Variants in DDX46 observed in about 807,000 individuals in gnomAD.
DDX46 encodes DEAD-box helicase 46.
Under a neutral mutation model 134.9 loss-of-function variants are expected in DDX46, and 30 were observed. The observed-to-expected ratio is 0.22, with a 90% confidence interval of 0.17 to 0.30. DDX46 has a LOEUF of 0.30. Ranked by LOEUF, DDX46 falls within the 10% of genes least tolerant of loss-of-function variation. The pLI, the probability that DDX46 is intolerant of heterozygous loss-of-function variation, is 1.00. For missense variants in DDX46, 622 were observed against 1,248.7 expected (o/e 0.50, Z 7.56); for synonymous variants, 415 against 404.1 (o/e 1.03, Z -0.32).
At chr5:134,809,846 T>C (rs1241678394) in intron 16 of DDX46, among the ~76,000 whole-genome samples, 2 of 151,902 alleles carry the variant, frequency 1.3e-5, no homozygotes, top group African/African-American at 2.4e-5. Flanking sequence ...CTGTTTCTAC[T>C]AAAATAAAAA....
chr5:134,807,973 T>C (rs1235715663), intron 16 of DDX46, 32 bp downstream of exon 16: 5 of 1,558,778 alleles, frequency 3.2e-6, no homozygotes, highest in Non-Finnish European at 8.7e-7. Context: ...TTGATCTTCA[T>C]TATATTAAAA....
rs1233163163 is a variant in DDX46 at position 134,830,226 on chromosome 5, T to A, written c.*1520T>A. On this transcript the variant is annotated 3_prime_UTR_variant, in exon 23 of 23. Transcript: ENST00000452510. ...AATTTTAAAAATACAGTTTAACAGC[T>A]GTAAAAGTTTTACTATAACATTTAC... is the stretch of plus-strand genomic sequence containing the variant. 1 of 151,484 alleles carries A rather than the reference T, an allele frequency of 6.6e-6. No homozygotes were observed. Among genetic ancestry groups the A allele is most frequent in the Non-Finnish European group, 1.5e-5 (1 of 67,856 alleles). 9.4% of individuals were successfully genotyped at this position (151,484 alleles called of 1,614,324 possible). A position where few individuals can be genotyped will look rare whatever the true frequency, so the allele number is the denominator to read the frequency against.
At chr5:134,818,427 T>A (rs1283778758) in intron 20 of DDX46, among the ~76,000 whole-genome samples, 1 of 149,200 alleles carries the variant, frequency 6.7e-6, no homozygotes, top group Non-Finnish European at 1.5e-5. Flanking sequence ...TAGGGCCCGG[T>A]GAGGTGGCTC....
Position 134,818,913 on chromosome 5 carries a change from C to T in DDX46, c.2886C>T (p.Tyr962=), listed in dbSNP as rs1755363499. The part of the protein sequence containing the change: ...SKEALQRISE[Y]SEAAITIRGT... ...AAGCTCTGCAGAGAATCAGTGAATACTCTGAAGCCGCAATTACAATCAGAG... is the reference window on the plus strand; with the variant it reads ...AAGCTCTGCAGAGAATCAGTGAATATTCTGAAGCCGCAATTACAATCAGAG... Residue 962 remains tyrosine, a synonymous_variant, in exon 21 of 23, where the codon TAC becomes TAT. Transcript: ENST00000452510. 6.2e-7 allele frequency: 1 copy of T among 1,613,968 alleles called. No individual in the cohort carries two copies. The highest frequency in any genetic ancestry group is 1.7e-5 in the Admixed American group (1 of 59,996).
chr5:134,785,060 G>T (rs557058131), intron 10 of DDX46, among the ~76,000 whole-genome samples: 1 of 152,126 alleles, frequency 6.6e-6, no homozygotes, highest in Non-Finnish European at 1.5e-5. Context: ...TTAGGAACAC[G>T]GGGCATAGTA....
At chr5:134,765,734 G>T (rs1283499779) in intron 2 of DDX46, among the ~76,000 whole-genome samples, 1 of 152,146 alleles carries the variant, frequency 6.6e-6, no homozygotes, top group African/African-American at 2.4e-5. Context: ...AGACAAGATT[G>T]TGTTGTGAGT....
intron 15 of DDX46, among the ~76,000 whole-genome samples, chr5:134,803,927 T>C: frequency 9.7e-6 from 1 of 102,672 alleles, no homozygotes; most frequent in African/African-American, 3.9e-5. Flanking sequence ...TCTTTTTTTT[T>C]TTTTTTTTTT....
chr5:134,828,656 C>A lies in DDX46; in HGVS notation c.3052-3C>A. 1 of 1,479,290 alleles carries A rather than the reference C, an allele frequency of 6.8e-7. No homozygotes were observed. The highest frequency in any genetic ancestry group is 9.0e-7 in the Non-Finnish European group (1 of 1,116,430). 91.6% of individuals were successfully genotyped at this position (1,479,290 alleles called of 1,614,324 possible). A position where few individuals can be genotyped will look rare whatever the true frequency, so the allele number is the denominator to read the frequency against. On this transcript the variant is annotated splice_polypyrimidine_tract_variant and splice_region_variant and intron_variant, in intron 22 of 22. Coordinates refer to ENST00000452510, the MANE Select transcript of DDX46 (RefSeq NM_001300860.2). ...ATGACATATCTTTTATTTCCTATTA[C>A]AGCAAAATTCATACCAACCAACAAA... is the stretch of plus-strand genomic sequence containing the variant.
At position 134,790,441 on chromosome 5, in the gene DDX46, T is replaced by G. The variant is rs201115793; in HGVS notation, c.1544-29T>G. ...AATTGTGACTGATTTTTAGTTTTCTTTTTGTCTTTATTTTTCTTTTCATCT... is the reference window on the plus strand; with the variant it reads ...AATTGTGACTGATTTTTAGTTTTCTGTTTGTCTTTATTTTTCTTTTCATCT... On this transcript the variant is annotated intron_variant, in intron 12 of 22. Transcript: ENST00000452510. The G allele has an allele frequency of 2.6e-5, 41 of 1,585,652 alleles. No homozygotes were observed. In the Middle Eastern group the frequency reaches 6.0e-4, roughly 23 times the overall value.
Position 134,790,465 on chromosome 5 carries a change from C to G in DDX46, c.1544-5C>G, listed in dbSNP as rs909988074. 4 of 1,604,872 alleles carry G rather than the reference C, an allele frequency of 2.5e-6. No individual in the cohort carries two copies. In the African/African-American group the frequency reaches 4.0e-5, roughly 16 times the overall value. ...TTTTTGTCTTTATTTTTCTTTTCAT[C>G]TTAGGTCGGGTCACAAATCTTCGAA... On this transcript the variant is annotated splice_region_variant and splice_polypyrimidine_tract_variant and intron_variant, in intron 12 of 22. Transcript: ENST00000452510.
chr5:134,810,279 A>G (rs549735552), intron 16 of DDX46, among the ~76,000 whole-genome samples: 40 of 151,714 alleles, frequency 2.6e-4, no homozygotes, highest in African/African-American at 9.2e-4. Context: ...AAAAGGAAAA[A>G]CAAAAAACAA....
At chr5:134,828,135 C>T (rs948908006) in intron 22 of DDX46, among the ~76,000 whole-genome samples, 3 of 152,052 alleles carry the variant, frequency 2.0e-5, no homozygotes, top group African/African-American at 7.2e-5. Flanking sequence ...CCAGTTGCAG[C>T]TTATAAACAC....
chr5:134,776,298 A>G (rs964228209), intron 5 of DDX46, among the ~76,000 whole-genome samples: 1 of 151,484 alleles, frequency 6.6e-6, no homozygotes, highest in Non-Finnish European at 1.5e-5. Flanking sequence ...GCTGAGGCAG[A>G]AGAATCACTT....
intron 18 of DDX46, among the ~76,000 whole-genome samples, chr5:134,812,436 C>T (rs1403796841): frequency 6.6e-6 from 1 of 152,080 alleles, no homozygotes; most frequent in Non-Finnish European, 1.5e-5. Flanking sequence ...CATACCTGAT[C>T]TCAGAACACT....
chr5:134,805,307 A>G (rs898442743), intron 15 of DDX46, among the ~76,000 whole-genome samples: 1 of 151,348 alleles, frequency 6.6e-6, no homozygotes, highest in African/African-American at 2.4e-5. Flanking sequence ...CGCTGGGTCT[A>G]TAGGCGCCTG....
chr5:134,773,006 G>A (rs564786824), intron 4 of DDX46, among the ~76,000 whole-genome samples: 2 of 152,112 alleles, frequency 1.3e-5, no homozygotes, highest in South Asian at 4.1e-4. Flanking sequence ...CACCATGTTG[G>A]CCAGGGTGGT....
intron 16 of DDX46, among the ~76,000 whole-genome samples, chr5:134,810,124 G>A (rs1755100554): frequency 6.6e-6 from 1 of 151,744 alleles, no homozygotes; most frequent in African/African-American, 2.4e-5. Context: ...TTTTGCCCAG[G>A]CTGGCCTCCA....
chr5:134,777,276 A>G lies in DDX46; in HGVS notation c.614-298A>G, dbSNP rs148667685. ...GTTCTGCATCCAGCTGTATAGCTGT[A>G]AAATCTATTATTGGAGATCACCTTT... On this transcript the variant is annotated intron_variant, in intron 5 of 22. Coordinates refer to ENST00000452510, the MANE Select transcript of DDX46 (RefSeq NM_001300860.2). 1.1e-4 allele frequency among the ~76,000 whole-genome samples: 17 copies of G among 152,364 alleles called. No individual in the cohort carries two copies. The East Asian group carries it at 3.3e-3, about 29-fold the overall frequency.
At chr5:134,804,188 C>T (rs955393475) in intron 15 of DDX46, among the ~76,000 whole-genome samples, 8 of 152,086 alleles carry the variant, frequency 5.3e-5, no homozygotes, top group Non-Finnish European at 8.8e-5. Flanking sequence ...GAATTACAGA[C>T]GTGTGTCCTA....
Sources: allele counts gnomAD v4.1 joint callset (sites outside exome capture counted in the v4.1 genomes callset), GRCh38; gene constraint gnomAD v4.1.1; transcripts MANE v1.5; gene names NCBI Gene and HGNC (gene_info 2026-07-23, HGNC 2026-07-21).